The following CROCC variants were observed in gnomAD, a reference collection of about 807,000 sequenced individuals.
The protein encoded by CROCC is rootletin.
In CROCC, 180 loss-of-function variants were observed where a neutral mutation model predicts 245.2. That is an observed-to-expected ratio of 0.73 (90% CI 0.65 to 0.83). The LOEUF is 0.83. CROCC is among the 40% of genes least tolerant of loss of function. CROCC has a pLI of 0.00. For synonymous variants in CROCC, 1,205 were observed against 1,241.6 expected, an observed-to-expected ratio of 0.97 and a Z score of 0.62; for missense variants, 2,688 against 2,779.4, an observed-to-expected ratio of 0.97 and a Z score of 0.74.
chr1:16,968,502 C>T (rs1316587101), intron 31 of CROCC, 84 bp downstream of exon 31: 1 of 1,319,988 alleles, frequency 7.6e-7, no homozygotes, highest in East Asian at 2.6e-5. Flanking sequence ...CCCCCAACAA[C>T]CCTGTGAGGC....
At chr1:16,956,282 T>A in intron 25 of CROCC, 126 bp downstream of exon 25, 1 of 1,002,848 alleles carries the variant, frequency 1.0e-6, no homozygotes, top group Non-Finnish European at 1.4e-6. Context: ...ACAAGCCCTC[T>A]CACCTAACCT....
chr1:16,929,057 C>T (rs1206473402), intron 3 of CROCC, among the ~76,000 whole-genome samples: 1 of 152,248 alleles, frequency 6.6e-6, no homozygotes, highest in African/African-American at 2.4e-5. Context: ...GAACCCCTGA[C>T]TTCAAGTGAT....
chr1:16,961,398 T>C (rs1308064344), intron 27 of CROCC, among the ~76,000 whole-genome samples: 2 of 151,934 alleles, frequency 1.3e-5, no homozygotes, highest in East Asian at 1.9e-4. Flanking sequence ...CTCAGCCTCC[T>C]GAGTAGCTGG....
intron 8 of CROCC, among the ~76,000 whole-genome samples, chr1:16,932,436 A>G (rs1295037935): frequency 6.6e-6 from 1 of 152,256 alleles, no homozygotes. Flanking sequence ...GCAGAACTCC[A>G]TCCAAAAAAA....
At chr1:16,923,311 G>T (rs2075451143) in intron 2 of CROCC, among the ~76,000 whole-genome samples, 1 of 152,286 alleles carries the variant, frequency 6.6e-6, no homozygotes, top group Non-Finnish European at 1.5e-5. Context: ...GTGCTGGCGT[G>T]TGGCGTTTTG....
intron 24 of CROCC, among the ~76,000 whole-genome samples, chr1:16,955,773 C>G (rs1049812837): frequency 4.6e-5 from 7 of 152,166 alleles, no homozygotes; most frequent in Non-Finnish European, 2.9e-5. Flanking sequence ...ACCCACCCAC[C>G]GTCATCACCC....
At chr1:16,942,398 A>G (rs1280076071) in intron 13 of CROCC, among the ~76,000 whole-genome samples, 1 of 152,282 alleles carries the variant, frequency 6.6e-6, no homozygotes, top group African/African-American at 2.4e-5. Context: ...GTAACCATCT[A>G]ATGAAAAGTT....
rs756052952 is a variant in CROCC, at chr1:16,945,539, G to A, written c.2069G>A (p.Ser690Asn). 1.2e-6 allele frequency: 2 copies of A among 1,611,872 alleles called. No homozygotes were observed. The highest frequency in any genetic ancestry group is 4.5e-5 in the East Asian group (2 of 44,906). ...CTGGTGGAGGTGAGGGAGGCGCTGA[G>A]CCGCGCCACACTGCAACGGGACATG... ...KELVEVREAL[S>N]RATLQRDMLQ... The change falls in exon 15 of 37, where the codon AGC becomes AAC. Residue 690 changes from serine to asparagine, a missense_variant. Physicochemically the swap from Ser to Asn is conservative, Grantham distance 46 (BLOSUM62 1). Around this residue, in one of 9 missense-constraint regions of CROCC, gnomAD observed 18 missense variants for 61.1 expected, o/e 0.29. Transcript: ENST00000375541.
chr1:16,965,941 G>T, intron 28 of CROCC, 49 bp downstream of exon 28: 1 of 1,603,938 alleles, frequency 6.2e-7, no homozygotes, highest in Non-Finnish European at 8.5e-7. Context: ...GGGCCCTGGG[G>T]AGGTTGCAGG....
At chr1:16,920,866 C>T (rs1260105233), upstream of CROCC, among the ~76,000 whole-genome samples, 6 of 152,188 alleles carry the variant, frequency 3.9e-5, no homozygotes, top group East Asian at 1.2e-3. Flanking sequence ...GCCTCAGCCT[C>T]CCAAGTAGCT....
At chr1:16,957,144 A>G (rs2076261938) in intron 25 of CROCC, among the ~76,000 whole-genome samples, 1 of 152,194 alleles carries the variant, frequency 6.6e-6, no homozygotes, top group African/African-American at 2.4e-5. Flanking sequence ...GTGATGGCTC[A>G]TGCCTTTAAT....
At chr1:16,919,726 G>T (rs2100297857), upstream of CROCC, among the ~76,000 whole-genome samples, 1 of 152,396 alleles carries the variant, frequency 6.6e-6, no homozygotes, top group African/African-American at 2.4e-5. Context: ...GCCAGGTGTG[G>T]TAGGTACTAT....
intron 3 of CROCC, among the ~76,000 whole-genome samples, chr1:16,925,545 AG>A (rs199681535): frequency 7.8e-3 from 1,182 of 151,798 alleles, no homozygotes; most frequent in African/African-American, 0.027. Flanking sequence ...TAGGGATTTC[AG>A]GGCACAGCTG....
At chr1:16,918,300 CTTTTTTTTTTTT>C (rs201445636), upstream of CROCC, among the ~76,000 whole-genome samples, 9 of 123,888 alleles carry the variant, frequency 7.3e-5, no homozygotes, top group African/African-American at 1.5e-4. Context: ...GGAATTCAGT[CTTTTTTTTTTTT>C]TTTTTTTTTT....
intron 3 of CROCC, among the ~76,000 whole-genome samples, chr1:16,928,749 T>G (rs1362022246): frequency 6.6e-6 from 1 of 151,520 alleles, no homozygotes; most frequent in East Asian, 1.9e-4. Flanking sequence ...GTTGCAGTGA[T>G]CCGAGATCGA....
chr1:16,924,335 G>A lies in CROCC; in HGVS notation c.207G>A (p.Pro69=), dbSNP rs139763565. 571 of 1,612,260 alleles carry A rather than the reference G, an allele frequency of 3.5e-4. No individual in the cohort carries two copies. The highest frequency in any genetic ancestry group is 4.6e-4 in the Non-Finnish European group (543 of 1,179,404). Reference sequence around the variant, plus strand: ...ACTGTCCCTTGCCAGTCCTGCTGCCGGCCACAGAGATGGCATCGCTGCTGT... The same window carrying A: ...ACTGTCCCTTGCCAGTCCTGCTGCCAGCCACAGAGATGGCATCGCTGCTGT... ...LSQPESPVLL[P]ATEMASLLSL... is the part of the protein sequence containing the mutation. Residue 69 remains proline (P), a synonymous_variant, in exon 3 of 37, where the codon CCG becomes CCA. Transcript: ENST00000375541.
At position 16,965,724 on chromosome 1, in the gene CROCC, A is replaced by G. The variant is rs748661217; in HGVS notation, c.4407A>G (p.Gly1469=). The change falls in exon 28 of 37, where the codon GGA becomes GGG. Residue 1469 remains glycine (G), a splice_region_variant and synonymous_variant. Transcript: ENST00000375541. ...GSPARDAPAE[G]SGEGLNSPST... ...GAGCAAGTCTTCTTTCTCTTCTAGG[A>G]AGCGGGGAAGGGCTCAACAGCCCCA... 1 of 1,602,870 alleles carries G rather than the reference A, an allele frequency of 6.2e-7. No homozygotes were observed. Among genetic ancestry groups the G allele is most frequent in the Admixed American group, 1.7e-5 (1 of 59,766 alleles).
intron 30 of CROCC, among the ~76,000 whole-genome samples, 199 bp from the exon 31 acceptor site, chr1:16,968,004 G>A (rs146404178): frequency 3.2e-4 from 49 of 152,282 alleles, no homozygotes; most frequent in Non-Finnish European, 5.9e-4. Context: ...CTGGAAGGTG[G>A]GCTCTGGGAT....
rs772052541 is a variant in CROCC at position 16,929,928 on chromosome 1, G to A, written c.434G>A (p.Arg145Gln). Residue 145 changes from arginine to glutamine, a missense_variant, in exon 4 of 37, where the codon CGG becomes CAG. Coordinates refer to ENST00000375541, the MANE Select transcript of CROCC (RefSeq NM_014675.5). ...CTGGTACGGCAGAGCGTGGAGTTGC[G>A]GAGGCAGCTGCAGGAGGAGCAGGCC... Reference protein sequence around the residue: ...RGLVRQSVELRRQLQEEQASY... With the variant: ...RGLVRQSVELQRQLQEEQASY... 2.1e-5 allele frequency: 33 copies of A among 1,588,430 alleles called. No homozygotes were observed. Among genetic ancestry groups the A allele is most frequent in the Middle Eastern group, 2.2e-4 (1 of 4,562 alleles).
Sources: gnomAD v4.1 joint callset for allele counts (sites outside exome capture counted in the v4.1 genomes callset) on GRCh38, gnomAD v4.1.1 for gene constraint, gnomAD v4.1.1 regional missense constraint, MANE v1.5 for transcripts, NCBI Gene and HGNC (gene_info 2026-07-23, HGNC 2026-07-21) for gene names.